CDKAL1: variants seen among roughly 807,000 people sequenced by gnomAD.
CDKAL1 encodes the protein CDKAL1 threonylcarbamoyladenosine tRNA methylthiotransferase, also known as threonylcarbamoyladenosine tRNA methylthiotransferase.
CDKAL1 carries 32 observed loss-of-function variants against 68.2 expected under a neutral mutation model. The observed-to-expected ratio is 0.47, with a 90% confidence interval of 0.35 to 0.63. The LOEUF (loss-of-function observed/expected upper bound fraction) is 0.63, where lower values mean the gene tolerates loss of function less well. Ranked by LOEUF, CDKAL1 falls within the 30% of genes least tolerant of loss-of-function variation. The pLI, the probability that CDKAL1 is intolerant of heterozygous loss-of-function variation, is 0.00. For missense variants in CDKAL1, 606 were observed against 696.7 expected, an observed-to-expected ratio of 0.87 and a Z score of 1.47; for synonymous variants, 234 against 244.3, an observed-to-expected ratio of 0.96 and a Z score of 0.39.
intron 7 of CDKAL1, 25 bp from the exon 8 acceptor site, chr6:20,781,119 TG>T (rs1340425836): frequency 6.2e-7 from 1 of 1,603,200 alleles, no homozygotes; most frequent in African/African-American, 1.3e-5. Context: ...CTCTTGCTAA[TG>T]TATATTTATG....
intron 9 of CDKAL1, among the ~76,000 whole-genome samples, chr6:20,870,583 T>G (rs1760160288): frequency 6.6e-6 from 1 of 152,192 alleles, no homozygotes; most frequent in South Asian, 2.1e-4. Flanking sequence ...TTCAAAGCAT[T>G]AAAATATCAG....
chr6:21,111,494 G>A (rs1237030438), intron 13 of CDKAL1, among the ~76,000 whole-genome samples: 1 of 152,148 alleles, frequency 6.6e-6, no homozygotes, highest in East Asian at 1.9e-4. Context: ...CCCCAACCAA[G>A]ATTGCTCCTG....
intron 10 of CDKAL1, among the ~76,000 whole-genome samples, chr6:20,958,046 GA>G (rs1328692568): frequency 2.0e-5 from 3 of 149,122 alleles, no homozygotes; most frequent in Non-Finnish European, 4.5e-5. Flanking sequence ...CTTGAACTTT[GA>G]AATCCTAACC....
chr6:20,905,153 T>TTA (rs1190816256), intron 9 of CDKAL1, among the ~76,000 whole-genome samples: 1 of 152,132 alleles, frequency 6.6e-6, no homozygotes, highest in Non-Finnish European at 1.5e-5. Flanking sequence ...GACTTTAAGA[T>TTA]AACTGTCGTA....
rs1762213520 is a variant in CDKAL1 at position 20,905,945 on chromosome 6, T to C, written c.743-49474T>C. Among the ~76,000 whole-genome samples the C allele has an allele frequency of 5.9e-5, 9 of 152,060 alleles. 1 individual carries two copies. Among genetic ancestry groups the C allele is most frequent in the Admixed American group, 5.9e-4 (9 of 15,268 alleles). ...ACCACCAGACTTACCCTGTAAGAAA[T>C]ACCAAAGAGAGTCCTGCAGATTGGC... is the stretch of plus-strand genomic sequence containing the variant. On this transcript the variant is annotated intron_variant, in intron 9 of 15. Transcript: ENST00000274695.
chr6:20,931,321 A>G (rs960073697), intron 9 of CDKAL1, among the ~76,000 whole-genome samples: 1 of 152,196 alleles, frequency 6.6e-6, no homozygotes, highest in Non-Finnish European at 1.5e-5. Context: ...GCCCTGTGCT[A>G]TGTTCTCTAC....
At chr6:20,979,254 G>A (rs1251903890) in intron 10 of CDKAL1, among the ~76,000 whole-genome samples, 1 of 152,116 alleles carries the variant, frequency 6.6e-6, no homozygotes, top group East Asian at 1.9e-4. Flanking sequence ...AAAATTAGCT[G>A]TTATTCAACT....
At chr6:20,889,409 C>T (rs1049081247) in intron 9 of CDKAL1, among the ~76,000 whole-genome samples, 9 of 151,988 alleles carry the variant, frequency 5.9e-5, no homozygotes, top group Non-Finnish European at 1.3e-4. Flanking sequence ...GCTTTTGTTG[C>T]CATTGCTTTT....
At chr6:21,178,427 T>C (rs1182503317) in intron 13 of CDKAL1, among the ~76,000 whole-genome samples, 1 of 152,232 alleles carries the variant, frequency 6.6e-6, no homozygotes, top group East Asian at 1.9e-4. Context: ...GTTAATATGA[T>C]GTGCCCTGTG....
intron 11 of CDKAL1, among the ~76,000 whole-genome samples, chr6:21,003,371 T>TACACACACACACACAC (rs55839331): frequency 6.1e-5 from 3 of 49,312 alleles, no homozygotes; most frequent in African/African-American, 2.2e-4. Context: ...TATATATATA[T>TACACACACACACACAC]ACACACACAC....
In CDKAL1 at chr6:21,137,700, GTTTTCAGATGGC is replaced by G. The variant is rs1775681424; in HGVS notation, c.1299+29238_1299+29249del. On this transcript the variant is annotated intron_variant, in intron 13 of 15. Transcript: ENST00000274695. ...AGCATGATAGCTGTTTAAGCTCATT[GTTTTCAGATGGC>G]AGAAACACAGAGTAACAAAAGGAAA... Among the ~76,000 whole-genome samples the G allele has an allele frequency of 3.9e-5, 6 of 152,236 alleles. No homozygotes were observed. The South Asian group carries it at 1.2e-3, about 32-fold the overall frequency.
intron 11 of CDKAL1, among the ~76,000 whole-genome samples, chr6:21,020,623 A>T (rs1449502828): frequency 1.3e-5 from 2 of 151,834 alleles, no homozygotes; most frequent in African/African-American, 2.4e-5. Flanking sequence ...ATGCACCACC[A>T]CGCCCAGCTG....
At chr6:20,819,307 C>T (rs191805763) in intron 8 of CDKAL1, among the ~76,000 whole-genome samples, 23 of 152,054 alleles carry the variant, frequency 1.5e-4, no homozygotes, top group East Asian at 5.8e-4. Flanking sequence ...CTGAGTTTTA[C>T]GCAACCATCT....
At chr6:20,929,326 T>A (rs115366145) in intron 9 of CDKAL1, among the ~76,000 whole-genome samples, 3 of 152,146 alleles carry the variant, frequency 2.0e-5, no homozygotes, top group African/African-American at 7.2e-5. Flanking sequence ...TTCCTGGTAA[T>A]AAAGATTAAC....
Position 20,901,053 on chromosome 6 carries a change from T to G in CDKAL1, c.743-54366T>G, listed in dbSNP as rs116309256. 5.7e-3 allele frequency among the ~76,000 whole-genome samples: 875 copies of G among 152,286 alleles called. 14 individuals carry two copies. The highest frequency in any genetic ancestry group is 0.02 in the African/African-American group (813 of 41,554). On this transcript the variant is annotated intron_variant, in intron 9 of 15. Transcript: ENST00000274695. ...TATTATTATATGAACATTGGAGTTT[T>G]CTTTGAAGTCTAGCGATGATTGTCT...
rs1048716216 is a variant in CDKAL1, at chr6:20,578,542, A to G, written c.286+29837A>G. ...AGCAACAGAAATGTGTATACTAGCA[A>G]TCAAATACAAATTTACTTTTACCTT... On this transcript the variant is annotated intron_variant, in intron 4 of 15. Coordinates refer to ENST00000274695, the MANE Select transcript of CDKAL1 (RefSeq NM_017774.3). Among the ~76,000 whole-genome samples the G allele has an allele frequency of 3.9e-5, 6 of 152,360 alleles. No homozygotes were observed. The East Asian group carries it at 1.2e-3, about 29-fold the overall frequency.
intron 9 of CDKAL1, among the ~76,000 whole-genome samples, chr6:20,916,385 G>A (rs1404828939): frequency 1.3e-5 from 2 of 152,272 alleles, no homozygotes; most frequent in East Asian, 3.9e-4. Context: ...TGAGTTTTTT[G>A]GAAGGATGGA....
At chr6:20,827,403 G>T (rs1292226842) in intron 8 of CDKAL1, among the ~76,000 whole-genome samples, 3 of 152,130 alleles carry the variant, frequency 2.0e-5, no homozygotes, top group Non-Finnish European at 4.4e-5. Flanking sequence ...GTTTATCTTT[G>T]TGATGGTCTC....
intron 5 of CDKAL1, among the ~76,000 whole-genome samples, chr6:20,657,493 G>T (rs1463525638): frequency 6.6e-6 from 1 of 152,104 alleles, no homozygotes; most frequent in South Asian, 2.1e-4. Context: ...ACTTCTTGGT[G>T]TTAAATAGTT....
Sources: gnomAD v4.1 joint callset for allele counts (sites outside exome capture counted in the v4.1 genomes callset) on GRCh38, gnomAD v4.1.1 for gene constraint, MANE v1.5 for transcripts, NCBI Gene and HGNC (gene_info 2026-07-23, HGNC 2026-07-21) for gene names.